The following DENND5A variants were observed in gnomAD, a reference collection of about 807,000 sequenced individuals.
The protein encoded by DENND5A is DENN domain containing 5A.
DENND5A carries 64 observed loss-of-function variants against 140.3 expected under a neutral mutation model. That is an observed-to-expected ratio of 0.46 (90% CI 0.37 to 0.56). DENND5A has a LOEUF of 0.56. Among genes scored for constraint, DENND5A ranks in the 20% least tolerant of loss-of-function variants. The pLI is 0.00. For missense variants in DENND5A, 1,292 were observed against 1,593.8 expected, an observed-to-expected ratio of 0.81 and a Z score of 3.22; for synonymous variants, 605 against 607.7, an observed-to-expected ratio of 1.00 and a Z score of 0.07.
chr11:9,236,992 A>T (rs1025387798), intron 1 of DENND5A, among the ~76,000 whole-genome samples: 12 of 152,234 alleles, frequency 7.9e-5, no homozygotes, highest in African/African-American at 2.9e-4. Context: ...TCCACAAATC[A>T]ATCAGAAAAA....
intron 1 of DENND5A, among the ~76,000 whole-genome samples, chr11:9,245,791 G>A (rs1564938195): frequency 6.6e-6 from 1 of 151,882 alleles, no homozygotes; most frequent in East Asian, 2.0e-4. Flanking sequence ...GGACCACCAC[G>A]CTCAGCTAAT....
Position 9,165,923 on chromosome 11 carries a change from C to T in DENND5A, c.2196G>A (p.Gln732=). The part of the protein sequence containing the change: ...EARTMGSTIR[Q]PKLSNLSPSV... ...ATGGAGAGAGGTTGGACAGTTTGGG[C>T]TGGCGGATAGTGCTGCCCATAGTCC... The change falls in exon 11 of 23, where the codon CAG becomes CAA. Residue 732 remains glutamine (Q), a synonymous_variant. Transcript: ENST00000328194. 6.2e-7 allele frequency: 1 copy of T among 1,614,120 alleles called. No homozygotes were observed.
chr11:9,164,079 T>TTTTTTTTTTTTTTTTTTTTTTTTG (rs1848095438), intron 11 of DENND5A, among the ~76,000 whole-genome samples: 1 of 121,446 alleles, frequency 8.2e-6, no homozygotes, highest in African/African-American at 3.1e-5. Flanking sequence ...TTTTTTTTTT[T>TTTTTTTTTTTTTTTTTTTTTTTTG]TTTTTTTTTT....
At chr11:9,240,428 G>C (rs1371612691) in intron 1 of DENND5A, among the ~76,000 whole-genome samples, 1 of 152,006 alleles carries the variant, frequency 6.6e-6, no homozygotes, top group Non-Finnish European at 1.5e-5. Context: ...AACTGATCCT[G>C]ACTGGGCGCA....
At chr11:9,174,784 A>C (rs1848495333) in intron 8 of DENND5A, among the ~76,000 whole-genome samples, 1 of 152,114 alleles carries the variant, frequency 6.6e-6, no homozygotes, top group Admixed American at 6.6e-5. Flanking sequence ...CTTGATAGAT[A>C]CAGAAAAAGC....
intron 1 of DENND5A, among the ~76,000 whole-genome samples, chr11:9,233,329 G>A (rs1367632767): frequency 6.6e-6 from 1 of 151,106 alleles, no homozygotes; most frequent in Non-Finnish European, 1.5e-5. Context: ...AACCCAGGAG[G>A]CAGAGGTTGG....
chr11:9,143,182 T>C, intron 20 of DENND5A: 1 of 606,818 alleles, frequency 1.6e-6, no homozygotes, highest in South Asian at 2.0e-5. Context: ...CCAGGGACTC[T>C]ATTGGGTCAT....
intron 2 of DENND5A, 135 bp from the exon 3 acceptor site, chr11:9,206,917 T>G (rs1849709892): frequency 9.3e-6 from 6 of 647,650 alleles, no homozygotes; most frequent in Non-Finnish European, 1.6e-5. Flanking sequence ...CATCTAAGAA[T>G]AAAAATAGGA....
At chr11:9,184,318 A>G (rs1355490158) in intron 5 of DENND5A, among the ~76,000 whole-genome samples, 1 of 151,958 alleles carries the variant, frequency 6.6e-6, no homozygotes, top group East Asian at 1.9e-4. Flanking sequence ...GCGCCACTGC[A>G]CTCCAGCCTG....
chr11:9,259,175 G>A (rs560760420), intron 1 of DENND5A, among the ~76,000 whole-genome samples: 7 of 152,082 alleles, frequency 4.6e-5, no homozygotes, highest in Admixed American at 1.3e-4. Flanking sequence ...CAGGAGAATC[G>A]CTTGAGCCCA....
chr11:9,257,711 T>G (rs1341354760), intron 1 of DENND5A, among the ~76,000 whole-genome samples: 5 of 151,524 alleles, frequency 3.3e-5, no homozygotes, highest in African/African-American at 1.2e-4. Flanking sequence ...CTCGATCTCC[T>G]GACCTTGTGA....
At chr11:9,181,193 T>C in intron 5 of DENND5A, 109 bp from the exon 6 acceptor site, 1 of 883,872 alleles carries the variant, frequency 1.1e-6, no homozygotes, top group Non-Finnish European at 1.7e-6. Context: ...CTGAAATGGC[T>C]ATATTTGAGA....
chr11:9,140,842 G>A (rs1847212129), intron 22 of DENND5A, among the ~76,000 whole-genome samples: 1 of 152,146 alleles, frequency 6.6e-6, no homozygotes, highest in African/African-American at 2.4e-5. Context: ...GCTTCTAAAT[G>A]TTGGCCAGGC....
chr11:9,166,379 T>C (rs1554915629), intron 10 of DENND5A, among the ~76,000 whole-genome samples: 1 of 152,206 alleles, frequency 6.6e-6, no homozygotes, highest in Non-Finnish European at 1.5e-5. Flanking sequence ...GCCCAGCTTA[T>C]TTTCTCGCAC....
intron 1 of DENND5A, among the ~76,000 whole-genome samples, chr11:9,223,377 T>A (rs1390269541): frequency 6.6e-6 from 1 of 151,696 alleles, no homozygotes; most frequent in Non-Finnish European, 1.5e-5. Context: ...CCATCTCTAC[T>A]AAAAATACAA....
chr11:9,171,556 T>C (rs1364084868), intron 8 of DENND5A: 2 of 152,220 alleles, frequency 1.3e-5, no homozygotes, highest in Admixed American at 1.3e-4. Flanking sequence ...AAATTCACAG[T>C]GTCTGGCATC....
chr11:9,191,039 A>C (rs1384794790), intron 5 of DENND5A, among the ~76,000 whole-genome samples: 1 of 152,164 alleles, frequency 6.6e-6, no homozygotes, highest in Non-Finnish European at 1.5e-5. Context: ...TCTGAAACCC[A>C]AGAACCACTT....
intron 1 of DENND5A, among the ~76,000 whole-genome samples, chr11:9,215,887 C>T (rs930169800): frequency 3.3e-5 from 5 of 152,042 alleles, no homozygotes; most frequent in African/African-American, 7.2e-5. Flanking sequence ...TAGATGTATA[C>T]GCACACTCTT....
At chr11:9,261,776 T>C (rs1480706462) in intron 1 of DENND5A, among the ~76,000 whole-genome samples, 87 of 18,780 alleles carry the variant, frequency 4.6e-3, no homozygotes, top group African/African-American at 0.011. Context: ...AGACTGTGTC[T>C]CAAAAAAAAA....
Sources: gnomAD v4.1 joint callset for allele counts (sites outside exome capture counted in the v4.1 genomes callset) on GRCh38, gnomAD v4.1.1 for gene constraint, MANE v1.5 for transcripts, NCBI Gene and HGNC (gene_info 2026-07-23, HGNC 2026-07-21) for gene names.